Variants in XKR6 observed in about 807,000 individuals in gnomAD.
XKR6 encodes the protein XK related 6, also known as XK-related protein 6.
XKR6 carries 22 observed loss-of-function variants against 56.7 expected under a neutral mutation model. The ratio of observed to expected loss-of-function variants is 0.39; its 90% CI spans 0.28 to 0.55. XKR6 has a LOEUF of 0.55. Among genes scored for constraint, XKR6 ranks in the 20% least tolerant of loss-of-function variants. The pLI is 0.66. For missense variants in XKR6, 852 were observed against 889.0 expected (o/e 0.96, Z 0.53); for synonymous variants, 524 against 387.8 (o/e 1.35, Z -4.13).
intron 1 of XKR6, among the ~76,000 whole-genome samples, chr8:11,075,879 C>T (rs1380758008): frequency 3.3e-5 from 5 of 151,898 alleles, no homozygotes; most frequent in African/African-American, 1.2e-4. Context: ...TCCCCCCGAC[C>T]CAAAAAAAAC....
chr8:11,091,450 AATAAATAG>A (rs1186649069), intron 1 of XKR6, among the ~76,000 whole-genome samples: 2 of 151,854 alleles, frequency 1.3e-5, no homozygotes, highest in African/African-American at 4.8e-5. Flanking sequence ...TAAATAAATA[AATAAATAG>A]ATAGATAGAT....
intron 1 of XKR6, among the ~76,000 whole-genome samples, chr8:11,079,281 G>A (rs1237847190): frequency 6.6e-6 from 1 of 152,214 alleles, no homozygotes; most frequent in African/African-American, 2.4e-5. Context: ...TGACCTAACT[G>A]TATCAATTGG....
chr8:10,910,623 C>T (rs761239144), intron 2 of XKR6, among the ~76,000 whole-genome samples: 4 of 152,142 alleles, frequency 2.6e-5, no homozygotes, highest in Non-Finnish European at 5.9e-5. Context: ...TGGGGGCTGG[C>T]GGCCACTCTG....
intron 2 of XKR6, among the ~76,000 whole-genome samples, chr8:10,913,817 C>G (rs192668129): frequency 1.3e-3 from 200 of 152,328 alleles, no homozygotes; most frequent in Admixed American, 1.2e-3. Context: ...ACCCAAAGTC[C>G]TTGGTGACTG....
At chr8:11,181,774 T>C (rs190500681) in intron 1 of XKR6, among the ~76,000 whole-genome samples, 134 of 152,342 alleles carry the variant, frequency 8.8e-4, no homozygotes, top group Non-Finnish European at 1.0e-3. Context: ...TCAAGCACTA[T>C]TCTGAGACTT....
intron 2 of XKR6, among the ~76,000 whole-genome samples, chr8:10,899,166 G>C (rs1799967954): frequency 6.6e-6 from 1 of 152,224 alleles, no homozygotes; most frequent in Admixed American, 6.5e-5. Flanking sequence ...GTGATACTGA[G>C]CCAGTGTGTT....
intron 1 of XKR6, among the ~76,000 whole-genome samples, chr8:10,983,045 A>G (rs542691581): frequency 2.0e-5 from 3 of 152,386 alleles, no homozygotes; most frequent in South Asian, 2.1e-4. Context: ...ATGAAAGAAT[A>G]TATGAAAACA....
At chr8:11,145,045 G>GGAGGGAGGGAGA in intron 1 of XKR6, among the ~76,000 whole-genome samples, 1 of 146,152 alleles carries the variant, frequency 6.8e-6, no homozygotes. Context: ...GAGAAAGAAG[G>GGAGGGAGGGAGA]GAGGGAGGGA....
In XKR6 at chr8:10,897,136, A is replaced by G. The variant is rs1294502430; in HGVS notation, c.*816T>C. On this transcript the variant is annotated 3_prime_UTR_variant, in exon 3 of 3. Transcript: ENST00000416569. Reference sequence around the variant, plus strand: ...TGATTCTTGCTAGGCAAATGCTAAAATGGCACATAATCAGCCTTCAAGTAG... The same window carrying G: ...TGATTCTTGCTAGGCAAATGCTAAAGTGGCACATAATCAGCCTTCAAGTAG... The G allele has an allele frequency of 6.6e-6, 1 of 152,646 alleles. No individual in the cohort carries two copies. The highest frequency in any genetic ancestry group is 1.5e-5 in the Non-Finnish European group (1 of 68,046). The allele number at this position is 152,646 out of a possible 1,614,324, so 9.5% of individuals were successfully genotyped here.
chr8:11,036,585 C>T (rs1227790389), intron 1 of XKR6, among the ~76,000 whole-genome samples: 5 of 152,166 alleles, frequency 3.3e-5, no homozygotes, highest in East Asian at 1.9e-4. Flanking sequence ...GGTGGCTGCA[C>T]AGTAAATTTT....
chr8:10,992,714 G>C (rs1406711219), intron 1 of XKR6, among the ~76,000 whole-genome samples: 1 of 152,176 alleles, frequency 6.6e-6, no homozygotes, highest in Admixed American at 6.5e-5. Context: ...TGTTAGCCAA[G>C]CAGTGACTGT....
chr8:10,959,007 G>A (rs1586356461), intron 1 of XKR6, among the ~76,000 whole-genome samples: 1 of 152,226 alleles, frequency 6.6e-6, no homozygotes, highest in East Asian at 1.9e-4. Context: ...TCTGCCCACA[G>A]ACCGGGGGAA....
intron 1 of XKR6, chr8:11,062,528 GCCCGATCCAGCAAAGA>G (rs1799861998): frequency 2.8e-6 from 1 of 355,408 alleles, no homozygotes; most frequent in Non-Finnish European, 5.5e-6. Flanking sequence ...TCCTCTACCT[GCCCGATCCAGCAAAGA>G]CCCAGGCAAA....
At chr8:11,006,960 C>T (rs373988848) in intron 1 of XKR6, among the ~76,000 whole-genome samples, 78 of 152,300 alleles carry the variant, frequency 5.1e-4, no homozygotes, top group Middle Eastern at 3.4e-3. Flanking sequence ...CATCCTGTTT[C>T]CCTTTACTAA....
At chr8:11,111,882 A>C (rs891743028) in intron 1 of XKR6, 9 of 152,236 alleles carry the variant, frequency 5.9e-5, no homozygotes, top group African/African-American at 2.2e-4. Context: ...TCACCAAAAA[A>C]AATTGCAAAC....
At chr8:11,058,250 G>A (rs1298217320) in intron 1 of XKR6, among the ~76,000 whole-genome samples, 1 of 152,182 alleles carries the variant, frequency 6.6e-6, no homozygotes, top group African/African-American at 2.4e-5. Flanking sequence ...GAATGTAATT[G>A]TGGAAGACAG....
intron 1 of XKR6, among the ~76,000 whole-genome samples, chr8:10,930,300 G>A (rs1445926490): frequency 6.6e-6 from 1 of 152,206 alleles, no homozygotes; most frequent in Non-Finnish European, 1.5e-5. Context: ...CCAAACAGGG[G>A]TAAGCTCATG....
At chr8:11,100,463 G>C (rs775509018) in intron 1 of XKR6, among the ~76,000 whole-genome samples, 1 of 152,190 alleles carries the variant, frequency 6.6e-6, no homozygotes, top group African/African-American at 2.4e-5. Context: ...ATTGTGTTTA[G>C]TACGCAATGA....
chr8:11,108,664 G>A (rs1798772203), intron 1 of XKR6: 2 of 231,310 alleles, frequency 8.6e-6, no homozygotes, highest in South Asian at 1.1e-4. Flanking sequence ...TCAGTTCTAT[G>A]CGTGGAAAAG....
Sources: gnomAD v4.1 joint callset for allele counts (sites outside exome capture counted in the v4.1 genomes callset) on GRCh38, gnomAD v4.1.1 for gene constraint, MANE v1.5 for transcripts, NCBI Gene and HGNC (gene_info 2026-07-23, HGNC 2026-07-21) for gene names.